Variants in PELI2 observed in about 807,000 individuals in gnomAD.
PELI2 encodes the protein E3 ubiquitin-protein ligase pellino homolog 2.
Under a neutral mutation model 42.3 loss-of-function variants are expected in PELI2, and 23 were observed. That is an observed-to-expected ratio of 0.54 (90% CI 0.39 to 0.77). The LOEUF is 0.77. PELI2 is among the 30% of genes least tolerant of loss of function. The pLI, the probability that PELI2 is intolerant of heterozygous loss-of-function variation, is 0.00. For synonymous variants in PELI2, 245 were observed against 212.2 expected, an observed-to-expected ratio of 1.15 and a Z score of -1.34; for missense variants, 463 against 553.2, an observed-to-expected ratio of 0.84 and a Z score of 1.64.
chr14:56,161,424 G>T (rs545242266), intron 1 of PELI2, among the ~76,000 whole-genome samples: 129 of 151,942 alleles, frequency 8.5e-4, no homozygotes, highest in African/African-American at 3.0e-3. Context: ...ACAGGTACGC[G>T]CCACCACACC....
intron 2 of PELI2, among the ~76,000 whole-genome samples, chr14:56,271,735 A>G (rs1419938489): frequency 1.3e-5 from 2 of 152,194 alleles, no homozygotes; most frequent in Non-Finnish European, 2.9e-5. Context: ...GAAGACAAAG[A>G]GGTCACTAGC....
intron 2 of PELI2, among the ~76,000 whole-genome samples, chr14:56,200,682 T>C (rs1170371566): frequency 6.6e-6 from 1 of 152,254 alleles, no homozygotes; most frequent in African/African-American, 2.4e-5. Context: ...GAACAGCCTG[T>C]ACTTCAGGCA....
At position 56,297,798 on chromosome 14, in the gene PELI2, T is replaced by C. The variant is rs994086186; in HGVS notation, c.*632T>C. 1 of 152,152 alleles carries C rather than the reference T, an allele frequency of 6.6e-6. No homozygotes were observed. The highest frequency in any genetic ancestry group is 6.5e-5 in the Admixed American group (1 of 15,290). 9.4% of individuals were successfully genotyped at this position (152,152 alleles called of 1,614,324 possible). A position where few individuals can be genotyped will look rare whatever the true frequency, so the allele number is the denominator to read the frequency against. ...TTTTTTTTTTAACTTCAGTGGAATTTACTTTAGATATTCATTCATCAAATA... is the reference window on the plus strand; with the variant it reads ...TTTTTTTTTTAACTTCAGTGGAATTCACTTTAGATATTCATTCATCAAATA... On this transcript the variant is annotated 3_prime_UTR_variant, in exon 6 of 6. Transcript: ENST00000267460.
intron 1 of PELI2, among the ~76,000 whole-genome samples, chr14:56,166,780 T>A (rs1162007330): frequency 1.3e-5 from 2 of 151,814 alleles, no homozygotes; most frequent in African/African-American, 4.8e-5. Flanking sequence ...GATTGGTTTT[T>A]TTTTCTTTCT....
intron 2 of PELI2, among the ~76,000 whole-genome samples, chr14:56,242,302 A>G (rs977573752): frequency 1.3e-5 from 2 of 152,266 alleles, no homozygotes; most frequent in South Asian, 4.1e-4. Flanking sequence ...TGCTGTGAGC[A>G]TTATATACCA....
rs907062810 is a variant in PELI2 at position 56,211,247 on chromosome 14, A to T, written c.207+32783A>T. On this transcript the variant is annotated intron_variant, in intron 2 of 5. Coordinates refer to ENST00000267460, the MANE Select transcript of PELI2 (RefSeq NM_021255.3). The stretch of plus-strand genomic sequence containing the variant: ...TTAGCCAGTTACTGTGAATGCCCCA[A>T]TTGCACAGTTGCTGGCTGGCTCAGG... Among the ~76,000 whole-genome samples, 21 of 137,186 alleles carry T rather than the reference A, an allele frequency of 1.5e-4. 1 individual carries two copies. Among genetic ancestry groups the T allele is most frequent in the Admixed American group, 1.0e-3 (13 of 12,828 alleles). The allele number at this position is 137,186 out of a possible 152,430, so 90.0% of individuals were successfully genotyped here. A position where few individuals can be genotyped will look rare whatever the true frequency, so the allele number is the denominator to read the frequency against.
intron 2 of PELI2, among the ~76,000 whole-genome samples, chr14:56,262,455 T>C (rs1888744678): frequency 6.6e-6 from 1 of 152,208 alleles, no homozygotes. Context: ...AGATTTTTTT[T>C]CATATCAGAG....
At chr14:56,280,279 A>ATTTTTT (rs1889435164) in intron 3 of PELI2, among the ~76,000 whole-genome samples, 1 of 152,124 alleles carries the variant, frequency 6.6e-6, no homozygotes, top group South Asian at 2.1e-4. Context: ...TTATCTCAAA[A>ATTTTTT]GTTCTTTTTT....
rs144141579 is a variant in PELI2, at chr14:56,141,735, G to A, written c.77+22998G>A. Among the ~76,000 whole-genome samples the A allele has an allele frequency of 6.6e-4, 101 of 152,268 alleles. 4 individuals are homozygous for A. The East Asian group carries it at 0.017, about 25-fold the overall frequency. On this transcript the variant is annotated intron_variant, in intron 1 of 5. Transcript: ENST00000267460. Reference sequence around the variant, plus strand: ...ATGCTCACTCACTGTCATGAGAACAGCATGGGGGAAACCACCCCCAAGATT... The same window carrying A: ...ATGCTCACTCACTGTCATGAGAACAACATGGGGGAAACCACCCCCAAGATT...
rs1461279660 is a variant in PELI2 at position 56,296,929 on chromosome 14, C to T, written c.1026C>T (p.Gly342=). Residue 342 remains glycine (G), a synonymous_variant, in exon 6 of 6, where the codon GGC becomes GGT. Coordinates refer to ENST00000267460, the MANE Select transcript of PELI2 (RefSeq NM_021255.3). ...ERECPMCRTV[G]PYVPLWLGCE... is the part of the protein sequence containing the mutation. Reference sequence around the variant, plus strand: ...AGTGTCCCATGTGCAGGACTGTGGGCCCCTATGTGCCTCTCTGGCTTGGCT... The same window carrying T: ...AGTGTCCCATGTGCAGGACTGTGGGTCCCTATGTGCCTCTCTGGCTTGGCT... The T allele has an allele frequency of 6.2e-7, 1 of 1,613,942 alleles. No individual in the cohort carries two copies. Among genetic ancestry groups the T allele is most frequent in the Admixed American group, 1.7e-5 (1 of 60,004 alleles).
intron 1 of PELI2, among the ~76,000 whole-genome samples, chr14:56,165,838 C>G (rs1884939339): frequency 6.6e-6 from 1 of 152,088 alleles, no homozygotes; most frequent in Non-Finnish European, 1.5e-5. Context: ...AACTCCTGCT[C>G]TTTTTTGGTT....
In PELI2 at chr14:56,226,754, A is replaced by G. The variant is rs1566649502; in HGVS notation, c.207+48290A>G. 2.6e-5 allele frequency among the ~76,000 whole-genome samples: 4 copies of G among 152,334 alleles called. No individual in the cohort carries two copies. The South Asian group carries it at 8.3e-4, about 32-fold the overall frequency. ...TTATGCCCTGGGATGTCTCCATTACAATGAAATGATATTTTGTTTGTTCAG... is the reference window on the plus strand; with the variant it reads ...TTATGCCCTGGGATGTCTCCATTACGATGAAATGATATTTTGTTTGTTCAG... On this transcript the variant is annotated intron_variant, in intron 2 of 5. Transcript: ENST00000267460.
chr14:56,197,866 G>GCA lies in PELI2; in HGVS notation c.207+19415_207+19416dup, dbSNP rs372185736. Reference sequence around the variant, plus strand: ...TTTCTGGGGTCTCCGGCCTGCCTGTGCACACACACACACATGCAGACACAC... The same window carrying GCA: ...TTTCTGGGGTCTCCGGCCTGCCTGTGCACACACACACACACATGCAGACACAC... On this transcript the variant is annotated intron_variant, in intron 2 of 5. Transcript: ENST00000267460. The surrounding 1 kb of genome is among the most constrained non-coding windows in gnomAD (Gnocchi z 4.9). Among the ~76,000 whole-genome samples the GCA allele has an allele frequency of 6.0e-5, 9 of 150,934 alleles. No homozygotes were observed. Among genetic ancestry groups the GCA allele is most frequent in the South Asian group, 4.2e-4 (2 of 4,760 alleles).
intron 1 of PELI2, among the ~76,000 whole-genome samples, chr14:56,177,218 C>A (rs970298044): frequency 1.3e-5 from 2 of 152,206 alleles, no homozygotes; most frequent in Non-Finnish European, 2.9e-5. Flanking sequence ...AACAAACACA[C>A]AAAGCCCCTT....
Position 56,274,595 on chromosome 14 carries a change from G to T in PELI2, c.208-5081G>T, listed in dbSNP as rs115760032. On this transcript the variant is annotated intron_variant, in intron 2 of 5. Coordinates refer to ENST00000267460, the MANE Select transcript of PELI2 (RefSeq NM_021255.3). ...ATAAGAGGAAGAAAATTCTCTAGACGTATGAACCATGTTTGTTTTAGAGTC... is the reference window on the plus strand; with the variant it reads ...ATAAGAGGAAGAAAATTCTCTAGACTTATGAACCATGTTTGTTTTAGAGTC... 1.8e-3 allele frequency among the ~76,000 whole-genome samples: 267 copies of T among 152,218 alleles called. 1 individual carries two copies. The highest frequency in any genetic ancestry group is 3.7e-3 in the African/African-American group (155 of 41,536).
intron 1 of PELI2, among the ~76,000 whole-genome samples, chr14:56,165,481 T>C (rs1268847860): frequency 1.3e-5 from 2 of 152,198 alleles, no homozygotes; most frequent in African/African-American, 4.8e-5. Flanking sequence ...ACCTAACACA[T>C]ATGACCTTGG....
At chr14:56,230,568 C>T (rs920936977) in intron 2 of PELI2, among the ~76,000 whole-genome samples, 6 of 152,206 alleles carry the variant, frequency 3.9e-5, no homozygotes, top group African/African-American at 9.6e-5. Context: ...TTTGTGACCA[C>T]GAGGCCTGCC....
rs1002259167 is a variant in PELI2 at position 56,145,898 on chromosome 14, T to C, written c.77+27161T>C. Among the ~76,000 whole-genome samples the C allele has an allele frequency of 2.0e-5, 3 of 152,226 alleles. No individual in the cohort carries two copies. The East Asian group carries it at 5.8e-4, about 29-fold the overall frequency. ...CTTTTGTTATAATATTACTGAAGTA[T>C]GTAGAAACCTGTAACTAGGAGTAAG... On this transcript the variant is annotated intron_variant, in intron 1 of 5. Transcript: ENST00000267460.
chr14:56,264,964 G>A (rs1047682543), intron 2 of PELI2, among the ~76,000 whole-genome samples: 4 of 152,114 alleles, frequency 2.6e-5, no homozygotes, highest in African/African-American at 9.7e-5. Flanking sequence ...CCTTTATGCA[G>A]AAACTTATAA....
Sources: gnomAD v4.1 joint callset for allele counts (sites outside exome capture counted in the v4.1 genomes callset) on GRCh38, gnomAD v4.1.1 for gene constraint, Gnocchi (gnomAD v3.1) non-coding constraint, MANE v1.5 for transcripts, NCBI Gene and HGNC (gene_info 2026-07-23, HGNC 2026-07-21) for gene names.